Variants in ZNF277 observed in about 807,000 individuals in gnomAD.
ZNF277 encodes nuclear receptor-interacting factor 4.
Under a neutral mutation model 60.7 loss-of-function variants are expected in ZNF277, and 55 were observed. That is an observed-to-expected ratio of 0.91 (90% confidence interval 0.73 to 1.13). ZNF277 has a LOEUF of 1.13. ZNF277 is among the 50% of genes most tolerant of loss of function. ZNF277 has a pLI of 0.00. For missense variants in ZNF277, 510 were observed against 523.0 expected (o/e 0.98, Z 0.24); for synonymous variants, 178 against 179.3 (o/e 0.99, Z 0.06).
At chr7:112,327,625 A>G (rs887040101) in intron 5 of ZNF277, 92 bp from the exon 6 acceptor site, 1 of 865,646 alleles carries the variant, frequency 1.2e-6, no homozygotes, top group African/African-American at 1.7e-5. Flanking sequence ...TTATACCTCT[A>G]ATTAGTGTTT....
chr7:112,310,870 C>A (rs1209627675), intron 4 of ZNF277, among the ~76,000 whole-genome samples: 1 of 152,012 alleles, frequency 6.6e-6, no homozygotes, highest in Non-Finnish European at 1.5e-5. Context: ...CTTTTTCTCT[C>A]ATAGCCACTC....
chr7:112,249,071 A>G (rs909964580), intron 1 of ZNF277, among the ~76,000 whole-genome samples: 7 of 152,120 alleles, frequency 4.6e-5, no homozygotes, highest in African/African-American at 1.7e-4. Flanking sequence ...TTGACTTCAC[A>G]TTCTTTTCTC....
Position 112,342,590 on chromosome 7 carries a change from C to G in ZNF277, c.1214C>G (p.Thr405Ser). The change falls in exon 12 of 12, where the codon ACT (threonine) becomes AGT (serine). Residue 405 changes from threonine (T) to serine (S), a missense_variant. Physicochemically the swap from Thr to Ser is moderately conservative, Grantham distance 58 (BLOSUM62 1). Transcript: ENST00000361822. ...EYYFPTYEND[T>S]LLCTLSDSES... ...TATTTTCCAACCTATGAAAATGACA[C>G]TCTCCTGTGTACACTATCTGACAGT... 1 of 1,605,804 alleles carries G rather than the reference C, an allele frequency of 6.2e-7. No homozygotes were observed. The highest frequency in any genetic ancestry group is 8.5e-7 in the Non-Finnish European group (1 of 1,177,246).
intron 1 of ZNF277, among the ~76,000 whole-genome samples, chr7:112,223,144 C>T (rs1220026308): frequency 6.6e-6 from 1 of 152,190 alleles, no homozygotes; most frequent in Non-Finnish European, 1.5e-5. Flanking sequence ...TTCTGTCCCT[C>T]TAGAGAACCC....
At chr7:112,223,601 C>T (rs540552228) in intron 1 of ZNF277, among the ~76,000 whole-genome samples, 90 of 152,326 alleles carry the variant, frequency 5.9e-4, no homozygotes, top group Admixed American at 2.1e-3. Context: ...GGTTTGCCCT[C>T]TCAAAATGAC....
chr7:112,285,596 G>A (rs1792047086), intron 1 of ZNF277, among the ~76,000 whole-genome samples: 1 of 151,586 alleles, frequency 6.6e-6, no homozygotes, highest in African/African-American at 2.4e-5. Context: ...TACCACACTT[G>A]GCTAATTTTT....
At chr7:112,278,153 GTC>G (rs1488404756) in intron 1 of ZNF277, among the ~76,000 whole-genome samples, 1 of 151,898 alleles carries the variant, frequency 6.6e-6, no homozygotes, top group Non-Finnish European at 1.5e-5. Context: ...TTTCTCCCTT[GTC>G]TCTTAATTTA....
At chr7:112,333,637 G>A (rs1793272790) in intron 7 of ZNF277, among the ~76,000 whole-genome samples, 1 of 152,204 alleles carries the variant, frequency 6.6e-6, no homozygotes, top group South Asian at 2.1e-4. Flanking sequence ...CAAATGGACA[G>A]AGAGGCTGCA....
intron 1 of ZNF277, among the ~76,000 whole-genome samples, chr7:112,251,022 A>G (rs1036713663): frequency 1.3e-5 from 2 of 151,778 alleles, no homozygotes; most frequent in Non-Finnish European, 2.9e-5. Context: ...ATTTCCACCC[A>G]CCTTTATTTC....
chr7:112,333,409 C>T (rs1793264847), intron 7 of ZNF277, among the ~76,000 whole-genome samples: 1 of 152,124 alleles, frequency 6.6e-6, no homozygotes, highest in Non-Finnish European at 1.5e-5. Context: ...TATGGAAAAC[C>T]ACCATGTAAG....
chr7:112,319,218 C>T (rs575959825), intron 5 of ZNF277, among the ~76,000 whole-genome samples: 4 of 152,012 alleles, frequency 2.6e-5, no homozygotes, highest in Non-Finnish European at 5.9e-5. Context: ...CTGACTGGCT[C>T]AAAGTCCCAA....
chr7:112,338,701 G>T (rs948383156), intron 9 of ZNF277, among the ~76,000 whole-genome samples: 1 of 152,088 alleles, frequency 6.6e-6, no homozygotes, highest in South Asian at 2.1e-4. Context: ...CTCTGAAAAA[G>T]GTTCCCACTA....
chr7:112,307,158 T>C lies in ZNF277; in HGVS notation c.465+10847T>C, dbSNP rs181781759. Among the ~76,000 whole-genome samples the C allele has an allele frequency of 1.5e-3, 234 of 152,218 alleles. 3 individuals are homozygous for C. The Middle Eastern group carries it at 0.027, about 18-fold the overall frequency. Reference sequence around the variant, plus strand: ...CAAAGGGCTTTTGTTCATGTCTCTTTGCCCTATTCCTAGTCTTTCTCCTGA... The same window carrying C: ...CAAAGGGCTTTTGTTCATGTCTCTTCGCCCTATTCCTAGTCTTTCTCCTGA... On this transcript the variant is annotated intron_variant, in intron 4 of 11. Coordinates refer to ENST00000361822, the MANE Select transcript of ZNF277 (RefSeq NM_021994.3).
intron 1 of ZNF277, among the ~76,000 whole-genome samples, chr7:112,252,520 T>C (rs1354592227): frequency 6.6e-6 from 1 of 152,164 alleles, no homozygotes; most frequent in East Asian, 1.9e-4. Context: ...AGGTACTTTA[T>C]ACATATATAC....
intron 1 of ZNF277, among the ~76,000 whole-genome samples, chr7:112,278,748 TA>T (rs891222929): frequency 2.0e-5 from 3 of 151,932 alleles, no homozygotes; most frequent in Admixed American, 6.6e-5. Flanking sequence ...AAATTATGGT[TA>T]AAAAAAATAC....
intron 1 of ZNF277, among the ~76,000 whole-genome samples, chr7:112,242,568 A>T (rs903553329): frequency 5.4e-4 from 74 of 136,152 alleles, no homozygotes; most frequent in East Asian, 8.4e-4. Flanking sequence ...AAAAAAAAAA[A>T]AAAAACAAAA....
chr7:112,327,368 G>A (rs1205334444), intron 5 of ZNF277, among the ~76,000 whole-genome samples: 2 of 152,142 alleles, frequency 1.3e-5, no homozygotes, highest in African/African-American at 4.8e-5. Flanking sequence ...GAGGCGGAGC[G>A]CAGGTGGTAA....
chr7:112,252,417 T>C (rs1046337022), intron 1 of ZNF277, among the ~76,000 whole-genome samples: 1 of 152,192 alleles, frequency 6.6e-6, no homozygotes, highest in African/African-American at 2.4e-5. Context: ...ATTTTTTCTG[T>C]GTGCGGTACA....
chr7:112,269,919 T>C (rs1259384894), intron 1 of ZNF277, among the ~76,000 whole-genome samples: 2 of 152,116 alleles, frequency 1.3e-5, no homozygotes, highest in South Asian at 2.1e-4. Flanking sequence ...AATACCATAT[T>C]TGTGTTGCTG....
Sources: allele counts gnomAD v4.1 joint callset (sites outside exome capture counted in the v4.1 genomes callset), GRCh38; gene constraint gnomAD v4.1.1; transcripts MANE v1.5; gene names NCBI Gene and HGNC (gene_info 2026-07-23, HGNC 2026-07-21).